ARMC9: variants seen among roughly 807,000 people sequenced by gnomAD.
ARMC9 encodes the protein armadillo repeat containing 9.
ARMC9 carries 94 observed loss-of-function variants against 107.0 expected under a neutral mutation model. The ratio of observed to expected loss-of-function variants is 0.88; its 90% CI spans 0.74 to 1.04. The LOEUF is 1.04. Ranked by LOEUF, ARMC9 falls within the 50% of genes least tolerant of loss-of-function variation. The pLI, the probability that ARMC9 is intolerant of heterozygous loss-of-function variation, is 0.00. For missense variants in ARMC9, 942 were observed against 1,030.1 expected, an observed-to-expected ratio of 0.91 and a Z score of 1.17; for synonymous variants, 380 against 396.9, an observed-to-expected ratio of 0.96 and a Z score of 0.51.
At chr2:231,250,282 G>C (rs921021378) in intron 9 of ARMC9, among the ~76,000 whole-genome samples, 5 of 152,200 alleles carry the variant, frequency 3.3e-5, no homozygotes, top group African/African-American at 1.2e-4. Context: ...TGGGGCTTGT[G>C]ATTGTTGATG....
intron 23 of ARMC9, among the ~76,000 whole-genome samples, chr2:231,365,863 ATC>A (rs2045795668): frequency 6.6e-6 from 1 of 152,124 alleles, no homozygotes; most frequent in African/African-American, 2.4e-5. Context: ...CAGTGGCACG[ATC>A]TTGGCTCACT....
chr2:231,338,711 T>C (rs1029748240), intron 20 of ARMC9, among the ~76,000 whole-genome samples: 20 of 152,120 alleles, frequency 1.3e-4, no homozygotes, highest in African/African-American at 4.8e-4. Context: ...ACAAACATTA[T>C]AAAATCTAGA....
At chr2:231,352,145 T>G (rs2045109013) in intron 21 of ARMC9, among the ~76,000 whole-genome samples, 1 of 151,992 alleles carries the variant, frequency 6.6e-6, no homozygotes, top group Non-Finnish European at 1.5e-5. Flanking sequence ...TTTTTAATTT[T>G]TTGTAGAGAT....
rs1341939520 is a variant in ARMC9 at position 231,331,887 on chromosome 2, A to G, written c.1868A>G (p.Glu623Gly). 2.5e-6 allele frequency: 4 copies of G among 1,612,246 alleles called. No individual in the cohort carries two copies. The highest frequency in any genetic ancestry group is 3.4e-6 in the Non-Finnish European group (4 of 1,178,636). The change falls in exon 20 of 25, where the codon GAG (glutamate) becomes GGG (glycine). Residue 623 changes from glutamate to glycine, a missense_variant. Coordinates refer to ENST00000611582, the MANE Select transcript of ARMC9 (RefSeq NM_001352754.2). ...TCAGGAGAGAAGCTTCTGACCACGG[A>G]GTACCTGGGGGTAAGTGCCACACAA... ...ELSGEKLLTT[E>G]YLGIMTNTGK...
intron 19 of ARMC9, among the ~76,000 whole-genome samples, chr2:231,318,514 C>T (rs2042828427): frequency 6.6e-6 from 1 of 152,174 alleles, no homozygotes; most frequent in African/African-American, 2.4e-5. Context: ...AGCCCTCTTG[C>T]TTCCAGCTGT....
At chr2:231,330,751 A>G (rs1038166200) in intron 19 of ARMC9, among the ~76,000 whole-genome samples, 2 of 152,088 alleles carry the variant, frequency 1.3e-5, no homozygotes, top group African/African-American at 2.4e-5. Context: ...ATTTCCTAAA[A>G]TCTTCCTGTC....
intron 23 of ARMC9, among the ~76,000 whole-genome samples, chr2:231,363,661 C>T (rs1047450170): frequency 2.0e-5 from 3 of 152,000 alleles, no homozygotes; most frequent in African/African-American, 7.2e-5. Flanking sequence ...CCAAGGCGGG[C>T]GGACAACGAG....
chr2:231,271,123 C>T (rs763750072), intron 13 of ARMC9, 51 bp downstream of exon 13: 10 of 1,559,360 alleles, frequency 6.4e-6, no homozygotes, highest in Non-Finnish European at 8.8e-6. Context: ...TATTGATGTG[C>T]TTTTTCCTTT....
At position 231,225,463 on chromosome 2, in the gene ARMC9, T is replaced by C. The variant is rs527795684; in HGVS notation, c.598-1311T>C. On this transcript the variant is annotated intron_variant, in intron 6 of 24. Coordinates refer to ENST00000611582, the MANE Select transcript of ARMC9 (RefSeq NM_001352754.2). The stretch of plus-strand genomic sequence containing the variant: ...GCCAAAAAAATGCAAACAACTCAAA[T>C]GTCTATCATCTTATGAATGGATAAA... 3.3e-5 allele frequency among the ~76,000 whole-genome samples: 5 copies of C among 152,306 alleles called. No homozygotes were observed. In the East Asian group the frequency reaches 9.6e-4, roughly 29 times the overall value.
intron 19 of ARMC9, among the ~76,000 whole-genome samples, chr2:231,312,598 CTTT>C (rs1205045864): frequency 2.4e-5 from 3 of 126,574 alleles, no homozygotes; most frequent in Admixed American, 8.0e-5. Flanking sequence ...GTTTCACACA[CTTT>C]TTTTTTTTTT....
chr2:231,268,545 C>A (rs892368358), intron 12 of ARMC9, among the ~76,000 whole-genome samples: 1 of 151,804 alleles, frequency 6.6e-6, no homozygotes, highest in African/African-American at 2.4e-5. Flanking sequence ...TTCCAGTGTC[C>A]CATATTATCT....
At chr2:231,290,815 C>G (rs1418473710) in intron 17 of ARMC9, among the ~76,000 whole-genome samples, 2 of 151,456 alleles carry the variant, frequency 1.3e-5, no homozygotes, top group Admixed American at 6.6e-5. Context: ...TTTCACTTCT[C>G]AATGATCATA....
chr2:231,267,753 CGT>C (rs1250910036), intron 12 of ARMC9, among the ~76,000 whole-genome samples: 1 of 152,178 alleles, frequency 6.6e-6, no homozygotes, highest in Non-Finnish European at 1.5e-5. Flanking sequence ...AGTCTGGGCT[CGT>C]TTCACCAGTC....
chr2:231,261,257 C>G (rs991888469), intron 11 of ARMC9, among the ~76,000 whole-genome samples: 1 of 152,174 alleles, frequency 6.6e-6, no homozygotes, highest in African/African-American at 2.4e-5. Flanking sequence ...CTGTACACAC[C>G]GATGTGCACA....
At chr2:231,308,947 G>A (rs2042186305) in intron 19 of ARMC9, among the ~76,000 whole-genome samples, 1 of 152,224 alleles carries the variant, frequency 6.6e-6, no homozygotes, top group Admixed American at 6.5e-5. Flanking sequence ...GCGTGGCACA[G>A]GCTACGCTTC....
chr2:231,303,138 T>C (rs2041856949), intron 19 of ARMC9, among the ~76,000 whole-genome samples: 1 of 152,266 alleles, frequency 6.6e-6, no homozygotes, highest in Non-Finnish European at 1.5e-5. Flanking sequence ...GAAATACAAT[T>C]GATTTTAGAA....
intron 9 of ARMC9, among the ~76,000 whole-genome samples, chr2:231,247,755 A>G (rs2036910850): frequency 6.6e-6 from 1 of 151,754 alleles, no homozygotes; most frequent in East Asian, 1.9e-4. Flanking sequence ...GCATGACAAA[A>G]CCCCGTCTCT....
chr2:231,272,415 C>T (rs2125435270), intron 13 of ARMC9, among the ~76,000 whole-genome samples: 1 of 151,920 alleles, frequency 6.6e-6, no homozygotes, highest in East Asian at 1.9e-4. Flanking sequence ...GGCTGGTCTC[C>T]AACGCCTCGG....
At chr2:231,304,103 G>A (rs750448625) in intron 19 of ARMC9, among the ~76,000 whole-genome samples, 1 of 151,368 alleles carries the variant, frequency 6.6e-6, no homozygotes, top group Non-Finnish European at 1.5e-5. Flanking sequence ...GGTGGCGCAC[G>A]CCTGTAGTCC....
Sources: gnomAD v4.1 joint callset for allele counts (sites outside exome capture counted in the v4.1 genomes callset) on GRCh38, gnomAD v4.1.1 for gene constraint, MANE v1.5 for transcripts, NCBI Gene and HGNC (gene_info 2026-07-23, HGNC 2026-07-21) for gene names.